Variants in ROCK2 observed in about 807,000 individuals in gnomAD.
ROCK2 encodes the protein rho-associated protein kinase 2.
ROCK2 carries 61 observed loss-of-function variants against 195.1 expected under a neutral mutation model. The observed-to-expected ratio is 0.31, with a 90% CI of 0.25 to 0.39. The LOEUF is 0.39. Ranked by LOEUF, ROCK2 falls within the 10% of genes least tolerant of loss-of-function variation. The pLI is 1.00. For missense variants in ROCK2, 1,109 were observed against 1,637.4 expected, an observed-to-expected ratio of 0.68 and a Z score of 5.57; for synonymous variants, 504 against 545.5, an observed-to-expected ratio of 0.92 and a Z score of 1.06.
At chr2:11,234,407 T>G (rs2148102390) in intron 5 of ROCK2, 1 of 152,288 alleles carries the variant, frequency 6.6e-6, no homozygotes, top group South Asian at 2.1e-4. Flanking sequence ...ACATCTTCTC[T>G]TATGTATAGC....
chr2:11,336,546 C>T (rs1020391305), intron 1 of ROCK2, among the ~76,000 whole-genome samples: 5 of 136,474 alleles, frequency 3.7e-5, no homozygotes, highest in African/African-American at 1.0e-4. Flanking sequence ...CCACTGTGCC[C>T]AGCCAAGAAA....
At chr2:11,250,043 C>T (rs183781006) in intron 3 of ROCK2, among the ~76,000 whole-genome samples, 1 of 152,144 alleles carries the variant, frequency 6.6e-6, no homozygotes, top group Non-Finnish European at 1.5e-5. Context: ...CTCATTTCAA[C>T]TAAATGAAGG....
Position 11,218,484 on chromosome 2 carries a change from G to A in ROCK2, c.1321-18C>T. 6.7e-7 allele frequency: 1 copy of A among 1,495,238 alleles called. No individual in the cohort carries two copies. The highest frequency in any genetic ancestry group is 9.1e-7 in the Non-Finnish European group (1 of 1,095,772). 92.6% of individuals were successfully genotyped at this position (1,495,238 alleles called of 1,614,324 possible). A position where few individuals can be genotyped will look rare whatever the true frequency, so the allele number is the denominator to read the frequency against. ...TGACTTTCCTATTTAAAACAAAACA[G>A]AAAACACATTAAAATACTAAAATGA... On this transcript the variant is annotated intron_variant, in intron 10 of 32. Coordinates refer to ENST00000315872, the MANE Select transcript of ROCK2 (RefSeq NM_004850.5).
At chr2:11,269,814 G>C (rs1426219189) in intron 3 of ROCK2, among the ~76,000 whole-genome samples, 1 of 152,166 alleles carries the variant, frequency 6.6e-6, no homozygotes, top group African/African-American at 2.4e-5. Flanking sequence ...AAAGTGGTAT[G>C]ATCATGGCTC....
chr2:11,308,049 C>G (rs1254275233), intron 1 of ROCK2: 3 of 1,597,144 alleles, frequency 1.9e-6, no homozygotes, highest in African/African-American at 2.7e-5. Flanking sequence ...CCGGAGTCTG[C>G]TGCAGCGCTG....
intron 1 of ROCK2, among the ~76,000 whole-genome samples, chr2:11,321,313 C>G (rs1668392629): frequency 6.6e-6 from 1 of 151,930 alleles, no homozygotes; most frequent in Admixed American, 6.5e-5. Flanking sequence ...GTAGCTGGAA[C>G]TACAGGTGCA....
Position 11,344,016 on chromosome 2 carries a change from T to A in ROCK2, c.121A>T (p.Ile41Phe). Residue 41 changes from isoleucine to phenylalanine, a missense_variant, in exon 1 of 33, where the codon ATC becomes TTC. Around this residue, in one of 6 missense-constraint regions of ROCK2, gnomAD observed 64 missense variants for 62.4 expected, o/e 1.03. Coordinates refer to ENST00000315872, the MANE Select transcript of ROCK2 (RefSeq NM_004850.5). This position sits in a 1 kb window ranked among gnomAD's most constrained non-coding sequence, Gnocchi z 5.4. ...EALIRDPRSPINVESLLDGLN... is the reference protein window; with the variant it reads ...EALIRDPRSPFNVESLLDGLN... ...CCTACCAGCAAGCTCTCCACGTTGA[T>A]GGGGGAGCGAGGGTCTCGGATCAGC... The A allele has an allele frequency of 6.3e-7, 1 of 1,589,452 alleles. No homozygotes were observed. The highest frequency in any genetic ancestry group is 8.6e-7 in the Non-Finnish European group (1 of 1,169,346).
At chr2:11,255,513 CT>C (rs1185669948) in intron 3 of ROCK2, among the ~76,000 whole-genome samples, 4 of 150,816 alleles carry the variant, frequency 2.7e-5, no homozygotes, top group South Asian at 4.2e-4. Flanking sequence ...TTAGATTCAA[CT>C]GACAAATACT....
At chr2:11,312,818 A>G (rs1668076947) in intron 1 of ROCK2, among the ~76,000 whole-genome samples, 1 of 152,260 alleles carries the variant, frequency 6.6e-6, no homozygotes, top group African/African-American at 2.4e-5. Flanking sequence ...CAGCCACAAA[A>G]AAGACATGAA....
rs1222914769 is a variant in ROCK2 at position 11,181,243 on chromosome 2, T to C, written c.*2194A>G. ...ATTCAGAATAGGATAGAACCTCCCA[T>C]AATGTAACAAAATCTTTATATAAAA... On this transcript the variant is annotated 3_prime_UTR_variant, in exon 33 of 33. Coordinates refer to ENST00000315872, the MANE Select transcript of ROCK2 (RefSeq NM_004850.5). 1 of 147,982 alleles carries C rather than the reference T, an allele frequency of 6.8e-6. No homozygotes were observed. The highest frequency in any genetic ancestry group is 2.5e-5 in the African/African-American group (1 of 40,644). The allele number at this position is 147,982 out of a possible 1,614,324, so 9.2% of individuals were successfully genotyped here.
chr2:11,301,110 G>A (rs1372900529), intron 1 of ROCK2, among the ~76,000 whole-genome samples: 1 of 151,778 alleles, frequency 6.6e-6, no homozygotes, highest in African/African-American at 2.4e-5. Flanking sequence ...CATTTAGTGG[G>A]GAAAGAAAAA....
chr2:11,252,424 C>T (rs1419229632), intron 3 of ROCK2, among the ~76,000 whole-genome samples: 1 of 151,654 alleles, frequency 6.6e-6, no homozygotes, highest in Non-Finnish European at 1.5e-5. Context: ...CCAGAAATAC[C>T]ATTTGACCCA....
At chr2:11,218,359 T>C (rs1664504510) in intron 11 of ROCK2, 96 bp downstream of exon 11, 3 of 822,732 alleles carry the variant, frequency 3.6e-6, no homozygotes, top group Non-Finnish European at 3.8e-6. Flanking sequence ...GTAGATGTAG[T>C]ACTCCAAATG....
intron 3 of ROCK2, among the ~76,000 whole-genome samples, chr2:11,282,172 A>T (rs1667028127): frequency 6.6e-6 from 1 of 151,924 alleles, no homozygotes; most frequent in African/African-American, 2.4e-5. Context: ...GCAGCATAGC[A>T]AAACCCCATC....
At chr2:11,310,386 T>C (rs1228361778) in intron 1 of ROCK2, among the ~76,000 whole-genome samples, 2 of 151,626 alleles carry the variant, frequency 1.3e-5, no homozygotes, top group Non-Finnish European at 3.0e-5. Context: ...GGGTGATTCC[T>C]ACAATTAACA....
At chr2:11,195,136 A>G (rs1663580968) in intron 27 of ROCK2, 111 bp from the exon 28 acceptor site, 3 of 565,630 alleles carry the variant, frequency 5.3e-6, no homozygotes, top group Non-Finnish European at 9.0e-6. Flanking sequence ...TATATCCTTT[A>G]GAATTTATCA....
At position 11,219,144 on chromosome 2, in the gene ROCK2, C is replaced by T. The variant is rs112671813; in HGVS notation, c.1260-118G>A. 6 of 482,462 alleles carry T rather than the reference C, an allele frequency of 1.2e-5. No homozygotes were observed. In the Admixed American group the frequency reaches 1.4e-4, roughly 12 times the overall value. The allele number at this position is 482,462 out of a possible 1,614,324, so 29.9% of individuals were successfully genotyped here. The stretch of plus-strand genomic sequence containing the variant: ...ACAGATTTCTCTCTTTTCCCTTCAA[C>T]ACATTATTTACAAATGAAGCAATAT... On this transcript the variant is annotated intron_variant, in intron 9 of 32. Coordinates refer to ENST00000315872, the MANE Select transcript of ROCK2 (RefSeq NM_004850.5).
At chr2:11,273,993 T>C (rs1666741118) in intron 3 of ROCK2, among the ~76,000 whole-genome samples, 1 of 148,714 alleles carries the variant, frequency 6.7e-6, no homozygotes, top group Non-Finnish European at 1.5e-5. Flanking sequence ...ACATGGAAAT[T>C]AAACAACACA....
chr2:11,292,740 C>G (rs1667399768), intron 1 of ROCK2, among the ~76,000 whole-genome samples: 1 of 152,142 alleles, frequency 6.6e-6, no homozygotes, highest in Admixed American at 6.6e-5. Context: ...CAACTCCAAA[C>G]ACAAATACAT....
Sources: gnomAD v4.1 joint callset for allele counts (sites outside exome capture counted in the v4.1 genomes callset) on GRCh38, gnomAD v4.1.1 for gene constraint, gnomAD v4.1.1 regional missense constraint, Gnocchi (gnomAD v3.1) non-coding constraint, MANE v1.5 for transcripts, NCBI Gene and HGNC (gene_info 2026-07-23, HGNC 2026-07-21) for gene names.